EPHA3: variants seen among roughly 807,000 people sequenced by gnomAD.
EPHA3 encodes the protein ephrin type-A receptor 3.
Under a neutral mutation model 107.1 loss-of-function variants are expected in EPHA3, and 42 were observed. That is an observed-to-expected ratio of 0.39 (90% CI 0.31 to 0.51). The LOEUF (loss-of-function observed/expected upper bound fraction) is 0.51. EPHA3 is among the 20% of genes least tolerant of loss of function. The pLI, the probability that EPHA3 is intolerant of heterozygous loss-of-function variation, is 0.78. For missense variants in EPHA3, 1,183 were observed against 1,211.2 expected (o/e 0.98, Z 0.35); for synonymous variants, 461 against 424.8 (o/e 1.09, Z -1.05).
intron 3 of EPHA3, among the ~76,000 whole-genome samples, chr3:89,278,744 CT>C (rs1335571661): frequency 6.6e-6 from 1 of 152,156 alleles, no homozygotes; most frequent in Non-Finnish European, 1.5e-5. Context: ...CTATCAACTT[CT>C]TGAGTAAAGC....
Position 89,209,990 on chromosome 3 carries a change from T to A in EPHA3, c.284T>A (p.Ile95Asn). 6.2e-7 allele frequency: 1 copy of A among 1,613,928 alleles called. No individual in the cohort carries two copies. The highest frequency in any genetic ancestry group is 1.1e-5 in the South Asian group (1 of 91,080). The change falls in exon 3 of 17, where the codon ATT becomes AAT. Residue 95 changes from isoleucine (I) to asparagine (N), a missense_variant. Coordinates refer to ENST00000336596, the MANE Select transcript of EPHA3 (RefSeq NM_005233.6). ...GTCCCCAGGAACTCAGCTCAGAAGA[T>A]TTATGTGGAGCTCAAGTTCACTCTA... Reference protein sequence around the residue: ...NWVPRNSAQKIYVELKFTLRD... With the variant: ...NWVPRNSAQKNYVELKFTLRD...
intron 2 of EPHA3, among the ~76,000 whole-genome samples, chr3:89,154,707 AAC>A (rs1283826227): frequency 6.6e-6 from 1 of 151,610 alleles, no homozygotes; most frequent in African/African-American, 2.4e-5. Flanking sequence ...GGAACAGTGT[AAC>A]ACAAAGTTTT....
intron 5 of EPHA3, among the ~76,000 whole-genome samples, chr3:89,366,152 G>A (rs1284412294): frequency 6.7e-6 from 1 of 150,354 alleles, no homozygotes; most frequent in African/African-American, 2.4e-5. Flanking sequence ...CCAGTTCTGT[G>A]TCATGCATTT....
chr3:89,237,291 G>A (rs537386114), intron 3 of EPHA3, among the ~76,000 whole-genome samples: 17 of 152,272 alleles, frequency 1.1e-4, no homozygotes, highest in Admixed American at 7.8e-4. Flanking sequence ...AGAATCGCTC[G>A]AACCAAGAGG....
chr3:89,431,335 C>T lies in EPHA3; in HGVS notation c.2322C>T (p.Asp774=), dbSNP rs1709565166. 1 of 1,613,496 alleles carries T rather than the reference C, an allele frequency of 6.2e-7. No individual in the cohort carries two copies. Among genetic ancestry groups the T allele is most frequent in the Non-Finnish European group, 8.5e-7 (1 of 1,179,852 alleles). The part of the protein sequence containing the change: ...DFGLSRVLED[D]PEAAYTTRGG... ...GACTTTCGCGTGTCCTGGAGGATGA[C>T]CCAGAAGCTGCTTATACAACAAGAG... The change falls in exon 13 of 17, where the codon GAC becomes GAT. Residue 774 remains aspartate (D), a synonymous_variant. Coordinates refer to ENST00000336596, the MANE Select transcript of EPHA3 (RefSeq NM_005233.6).
chr3:89,442,599 G>A (rs964186893), intron 13 of EPHA3, among the ~76,000 whole-genome samples: 6 of 152,098 alleles, frequency 3.9e-5, no homozygotes, highest in African/African-American at 1.4e-4. Context: ...GAATGATCTC[G>A]GGTGAAAGGT....
At chr3:89,358,934 A>C (rs1260175044) in intron 5 of EPHA3, among the ~76,000 whole-genome samples, 2 of 151,192 alleles carry the variant, frequency 1.3e-5, no homozygotes, top group Non-Finnish European at 3.0e-5. Flanking sequence ...ATGTGAACTT[A>C]TAACAATGGG....
At chr3:89,408,889 C>A (rs780554930) in intron 9 of EPHA3, among the ~76,000 whole-genome samples, 4 of 151,920 alleles carry the variant, frequency 2.6e-5, no homozygotes, top group Non-Finnish European at 4.4e-5. Flanking sequence ...CTCAATATAA[C>A]TAATGTAGTC....
At chr3:89,427,274 A>G (rs1709475855) in intron 11 of EPHA3, among the ~76,000 whole-genome samples, 1 of 151,914 alleles carries the variant, frequency 6.6e-6, no homozygotes. Context: ...TATTCAAATT[A>G]CTGAATGTAA....
At chr3:89,152,322 A>C (rs1289880378) in intron 2 of EPHA3, among the ~76,000 whole-genome samples, 3 of 152,056 alleles carry the variant, frequency 2.0e-5, no homozygotes, top group Admixed American at 2.0e-4. Context: ...TAAACCTAAA[A>C]CGACCTCCTC....
intron 5 of EPHA3, among the ~76,000 whole-genome samples, chr3:89,373,718 A>G (rs115181735): frequency 0.015 from 2,316 of 151,838 alleles, 41 homozygotes; most frequent in African/African-American, 0.053. Flanking sequence ...CTCACTCACC[A>G]TGAGAATTGA....
intron 11 of EPHA3, among the ~76,000 whole-genome samples, chr3:89,425,934 A>C (rs1486916991): frequency 1.3e-5 from 2 of 151,640 alleles, no homozygotes; most frequent in Non-Finnish European, 3.0e-5. Context: ...TAACAGACTG[A>C]TTTGCTTCCC....
At chr3:89,376,280 G>T (rs534315477) in intron 5 of EPHA3, among the ~76,000 whole-genome samples, 4 of 151,656 alleles carry the variant, frequency 2.6e-5, no homozygotes, top group Admixed American at 2.0e-4. Flanking sequence ...TTAAATAAAA[G>T]AATACATGAA....
intron 16 of EPHA3, among the ~76,000 whole-genome samples, chr3:89,477,080 T>C (rs995979619): frequency 6.6e-5 from 10 of 151,908 alleles, no homozygotes; most frequent in African/African-American, 2.4e-4. Context: ...TTGCTGTCGT[T>C]TGGGGATAAG....
At chr3:89,147,410 A>G (rs947620993) in intron 2 of EPHA3, among the ~76,000 whole-genome samples, 2 of 151,938 alleles carry the variant, frequency 1.3e-5, no homozygotes, top group South Asian at 2.1e-4. Context: ...ATCTTACAAT[A>G]AAGTTGCTAA....
intron 2 of EPHA3, among the ~76,000 whole-genome samples, chr3:89,146,824 G>A (rs1392124823): frequency 6.6e-6 from 1 of 151,914 alleles, no homozygotes; most frequent in Admixed American, 6.6e-5. Flanking sequence ...TTTGTACAAG[G>A]TATAAGGAAG....
At chr3:89,430,052 C>T (rs567949289) in intron 12 of EPHA3, among the ~76,000 whole-genome samples, 4 of 152,272 alleles carry the variant, frequency 2.6e-5, no homozygotes, top group African/African-American at 9.6e-5. Flanking sequence ...GCATGAGCCA[C>T]CGCACCTGGC....
At chr3:89,363,274 G>A (rs1168316426) in intron 5 of EPHA3, among the ~76,000 whole-genome samples, 1 of 150,556 alleles carries the variant, frequency 6.6e-6, no homozygotes. Context: ...GAGAGATAGC[G>A]AGGGGGCAGG....
At chr3:89,130,055 A>T (rs1232175919) in intron 2 of EPHA3, among the ~76,000 whole-genome samples, 1 of 152,150 alleles carries the variant, frequency 6.6e-6, no homozygotes, top group Non-Finnish European at 1.5e-5. Flanking sequence ...AGGTTGAGCG[A>T]GTAAGGGAAG....
Sources: gnomAD v4.1 joint callset for allele counts (sites outside exome capture counted in the v4.1 genomes callset) on GRCh38, gnomAD v4.1.1 for gene constraint, MANE v1.5 for transcripts, NCBI Gene and HGNC (gene_info 2026-07-23, HGNC 2026-07-21) for gene names.